The following NLGN1 variants were observed in gnomAD, a reference collection of about 807,000 sequenced individuals.
NLGN1 encodes the protein neuroligin-1.
NLGN1 carries 12 observed loss-of-function variants against 65.5 expected under a neutral mutation model. That is an observed-to-expected ratio of 0.18 (90% CI 0.12 to 0.30). NLGN1 has a LOEUF of 0.30. Ranked by LOEUF, NLGN1 falls within the 10% of genes least tolerant of loss-of-function variation. NLGN1 has a pLI of 1.00. For synonymous variants in NLGN1, 350 were observed against 359.5 expected, an observed-to-expected ratio of 0.97 and a Z score of 0.30; for missense variants, 750 against 1,007.1, an observed-to-expected ratio of 0.74 and a Z score of 3.46.
chr3:173,938,963 A>G (rs1024552658), intron 4 of NLGN1, among the ~76,000 whole-genome samples: 1 of 152,170 alleles, frequency 6.6e-6, no homozygotes, highest in African/African-American at 2.4e-5. Context: ...ATGCTTTCCA[A>G]ACCGAGCTTG....
At chr3:173,827,412 G>T (rs1353274235) in intron 4 of NLGN1, among the ~76,000 whole-genome samples, 2 of 152,028 alleles carry the variant, frequency 1.3e-5, no homozygotes, top group Non-Finnish European at 2.9e-5. Context: ...GAGAGAGGAT[G>T]CCTGAGCTGG....
chr3:173,642,320 A>G lies in NLGN1; in HGVS notation c.493+37229A>G, dbSNP rs1757540319. On this transcript the variant is annotated intron_variant, in intron 3 of 6. Transcript: ENST00000457714. ...TTTCAGACTACACTATAGGAAAGAC[A>G]AACCCAGATGGAATCTAGCCGACTC... Among the ~76,000 whole-genome samples the G allele has an allele frequency of 2.0e-5, 3 of 152,164 alleles. No individual in the cohort carries two copies. The South Asian group carries it at 6.2e-4, about 32-fold the overall frequency.
chr3:173,422,924 A>G (rs1220817179), intron 1 of NLGN1, among the ~76,000 whole-genome samples: 1 of 152,222 alleles, frequency 6.6e-6, no homozygotes, highest in Non-Finnish European at 1.5e-5. Flanking sequence ...ACACTGCTAT[A>G]AAGATACTAT....
chr3:173,437,881 C>T (rs995162402), intron 2 of NLGN1, among the ~76,000 whole-genome samples: 1 of 152,082 alleles, frequency 6.6e-6, no homozygotes. Context: ...GCCTTCCCTA[C>T]TATCAGTCAC....
intron 4 of NLGN1, among the ~76,000 whole-genome samples, chr3:173,947,986 A>G (rs1747502727): frequency 6.6e-6 from 1 of 152,352 alleles, no homozygotes; most frequent in Non-Finnish European, 1.5e-5. Context: ...ATAGCTAACC[A>G]TGTTCATTTG....
chr3:173,464,160 G>A (rs567624944), intron 2 of NLGN1, among the ~76,000 whole-genome samples: 25 of 151,974 alleles, frequency 1.6e-4, no homozygotes, highest in African/African-American at 6.0e-4. Flanking sequence ...ATAATAAATA[G>A]CATTTACTGA....
At chr3:173,963,857 T>C (rs1714179114) in intron 4 of NLGN1, among the ~76,000 whole-genome samples, 1 of 152,120 alleles carries the variant, frequency 6.6e-6, no homozygotes, top group South Asian at 2.1e-4. Flanking sequence ...TTCTAGTGCA[T>C]TCAGGAGTAA....
chr3:173,778,888 A>T (rs1780711623), intron 3 of NLGN1, among the ~76,000 whole-genome samples: 1 of 151,758 alleles, frequency 6.6e-6, no homozygotes, highest in South Asian at 2.1e-4. Context: ...ATATCATTTA[A>T]CTAACTTACA....
chr3:173,924,718 G>T (rs144689702), intron 4 of NLGN1, among the ~76,000 whole-genome samples: 475 of 151,930 alleles, frequency 3.1e-3, no homozygotes, highest in African/African-American at 0.011. Context: ...CTGTATGTTG[G>T]GAATTATATA....
intron 4 of NLGN1, among the ~76,000 whole-genome samples, chr3:173,888,339 C>G (rs1321781159): frequency 2.6e-5 from 4 of 151,888 alleles, no homozygotes; most frequent in African/African-American, 9.7e-5. Flanking sequence ...CATATCCTCC[C>G]CTATACTTTA....
intron 4 of NLGN1, among the ~76,000 whole-genome samples, chr3:173,892,883 G>A (rs1189103447): frequency 6.6e-6 from 1 of 152,182 alleles, no homozygotes; most frequent in Non-Finnish European, 1.5e-5. Context: ...GACAGCCATT[G>A]TAGTAGGTAA....
chr3:173,420,807 A>G (rs368358012), intron 1 of NLGN1, among the ~76,000 whole-genome samples: 10 of 152,356 alleles, frequency 6.6e-5, no homozygotes, highest in East Asian at 1.9e-4. Flanking sequence ...TGAAGAGCCT[A>G]TCTTTCCACA....
intron 4 of NLGN1, among the ~76,000 whole-genome samples, chr3:173,934,628 T>G (rs1233681956): frequency 6.6e-5 from 10 of 151,996 alleles, no homozygotes; most frequent in Admixed American, 6.6e-4. Context: ...TATCTTCCCC[T>G]GATCTTTTAC....
intron 2 of NLGN1, among the ~76,000 whole-genome samples, chr3:173,562,913 A>G (rs1177530969): frequency 6.6e-6 from 1 of 152,152 alleles, no homozygotes; most frequent in African/African-American, 2.4e-5. Flanking sequence ...TATCTCCACC[A>G]AGATGTCTAA....
At chr3:173,823,898 AAT>A (rs932439298) in intron 4 of NLGN1, among the ~76,000 whole-genome samples, 32 of 143,766 alleles carry the variant, frequency 2.2e-4, no homozygotes, top group African/African-American at 8.0e-4. Context: ...ATTTTAAAAT[AAT>A]GTTATTTTCT....
At chr3:173,529,441 G>T (rs1439650758) in intron 2 of NLGN1, among the ~76,000 whole-genome samples, 2 of 152,214 alleles carry the variant, frequency 1.3e-5, no homozygotes, top group Non-Finnish European at 2.9e-5. Flanking sequence ...ATACTCCAAT[G>T]AAGAGCACAA....
chr3:173,857,248 G>C (rs1173499883), intron 4 of NLGN1, among the ~76,000 whole-genome samples: 1 of 151,952 alleles, frequency 6.6e-6, no homozygotes, highest in Non-Finnish European at 1.5e-5. Context: ...TGTTACTGTT[G>C]ATAGAATTTG....
chr3:174,224,554 C>T (rs1183742229), intron 4 of NLGN1, among the ~76,000 whole-genome samples: 1 of 152,148 alleles, frequency 6.6e-6, no homozygotes, highest in East Asian at 1.9e-4. Flanking sequence ...CAAAAATTAG[C>T]TGGGCATAGT....
rs553073592 is a variant in NLGN1 at position 174,114,194 on chromosome 3, G to A, written c.647-161121G>A. On this transcript the variant is annotated intron_variant, in intron 4 of 6. Coordinates refer to ENST00000457714, the Ensembl canonical transcript of NLGN1. ...AATTTTTCAGTGCCATGCCTGCACA[G>A]GCTTTAGTTTTTATGCCATGTGATG... is the stretch of plus-strand genomic sequence containing the variant. 5.9e-5 allele frequency among the ~76,000 whole-genome samples: 9 copies of A among 152,292 alleles called. No homozygotes were observed. In the South Asian group the frequency reaches 1.9e-3, roughly 32 times the overall value.
Sources: gnomAD v4.1 joint callset for allele counts (sites outside exome capture counted in the v4.1 genomes callset) on GRCh38, gnomAD v4.1.1 for gene constraint, MANE v1.5 for transcripts, NCBI Gene and HGNC (gene_info 2026-07-23, HGNC 2026-07-21) for gene names.